The following TMEM135 variants were observed in gnomAD, a reference collection of about 807,000 sequenced individuals.
TMEM135 encodes the protein transmembrane protein 135.
TMEM135 carries 30 observed loss-of-function variants against 60.3 expected under a neutral mutation model. The ratio of observed to expected loss-of-function variants is 0.50; its 90% CI spans 0.37 to 0.68. The LOEUF (loss-of-function observed/expected upper bound fraction) is 0.68. TMEM135 is among the 30% of genes least tolerant of loss of function. The pLI is 0.00. For synonymous variants in TMEM135, 190 were observed against 186.7 expected (o/e 1.02, Z -0.14); for missense variants, 468 against 548.8 (o/e 0.85, Z 1.47).
intron 4 of TMEM135, among the ~76,000 whole-genome samples, chr11:87,108,608 A>G (rs574320938): frequency 5.1e-4 from 78 of 151,984 alleles, no homozygotes; most frequent in Admixed American, 1.1e-3. Context: ...GTCTTTTTCT[A>G]GTTCCTTAAG....
chr11:87,284,410 C>T (rs981208369), intron 6 of TMEM135, among the ~76,000 whole-genome samples: 1 of 152,176 alleles, frequency 6.6e-6, no homozygotes, highest in African/African-American at 2.4e-5. Flanking sequence ...AGAAACAGTT[C>T]CAGCTTCTCC....
chr11:87,323,879 C>T lies in TMEM135; in HGVS notation c.*2546C>T, dbSNP rs1385107148. On this transcript the variant is annotated 3_prime_UTR_variant, in exon 15 of 15. Coordinates refer to ENST00000305494, the MANE Select transcript of TMEM135 (RefSeq NM_022918.4). ...TAGTTTTATTTTCCCATAAATTCTG[C>T]TTTTGCTTCTGTAACTTTTTTCTTG... The T allele has an allele frequency of 2.2e-6, 1 of 452,004 alleles. No individual in the cohort carries two copies. The highest frequency in any genetic ancestry group is 2.4e-5 in the Admixed American group (1 of 42,242). 28.0% of individuals were successfully genotyped at this position (452,004 alleles called of 1,614,324 possible).
rs1242998121 is a variant in TMEM135, at chr11:87,158,108, A to G, written c.462+702A>G. 2.6e-5 allele frequency among the ~76,000 whole-genome samples: 4 copies of G among 152,024 alleles called. 1 individual carries two copies. The highest frequency in any genetic ancestry group is 4.1e-4 in the South Asian group (2 of 4,824). ...TAAAATACAGAAATCCCTATTTTTG[A>G]GGAGATGGGGTCTTGCTATGTTGCT... On this transcript the variant is annotated intron_variant, in intron 5 of 14. Coordinates refer to ENST00000305494, the MANE Select transcript of TMEM135 (RefSeq NM_022918.4).
chr11:87,142,465 A>C (rs1406260718), intron 4 of TMEM135, among the ~76,000 whole-genome samples: 1 of 152,172 alleles, frequency 6.6e-6, no homozygotes, highest in Non-Finnish European at 1.5e-5. Context: ...GCATTTTTCA[A>C]AAATAGTTAT....
At chr11:87,145,429 C>T (rs1343062451) in intron 4 of TMEM135, among the ~76,000 whole-genome samples, 1 of 152,154 alleles carries the variant, frequency 6.6e-6, no homozygotes, top group Non-Finnish European at 1.5e-5. Context: ...GATTTCAAAT[C>T]TTTTGGGTGA....
intron 10 of TMEM135, among the ~76,000 whole-genome samples, chr11:87,312,090 A>ATTT (rs1942648604): frequency 6.6e-6 from 1 of 151,382 alleles, no homozygotes; most frequent in African/African-American, 2.4e-5. Context: ...ATTATGTGTA[A>ATTT]ATATATATAG....
rs199637365 is a variant in TMEM135, at chr11:87,308,574, AGT to A, written c.769-928_769-927del. On this transcript the variant is annotated intron_variant, in intron 9 of 14. Coordinates refer to ENST00000305494, the MANE Select transcript of TMEM135 (RefSeq NM_022918.4). ...TAACTTTTGGGCATACACTGCTATG[AGT>A]GTAGATATTTTCCAATTCCAGTCAG... is the stretch of plus-strand genomic sequence containing the variant. Among the ~76,000 whole-genome samples, 366 of 152,254 alleles carry A rather than the reference AGT, an allele frequency of 2.4e-3. 7 individuals are homozygous for A. The highest frequency in any genetic ancestry group is 0.022 in the Admixed American group (329 of 15,288).
intron 4 of TMEM135, among the ~76,000 whole-genome samples, chr11:87,156,535 A>C (rs1419139587): frequency 6.6e-6 from 1 of 151,924 alleles, no homozygotes; most frequent in Non-Finnish European, 1.5e-5. Flanking sequence ...AATTTCTTTC[A>C]GCAATGTTTT....
intron 1 of TMEM135, among the ~76,000 whole-genome samples, chr11:87,041,609 T>A (rs1427879219): frequency 6.6e-6 from 1 of 152,204 alleles, no homozygotes; most frequent in Admixed American, 6.5e-5. Flanking sequence ...ACCCATTTTT[T>A]AAGGTCTGTT....
intron 4 of TMEM135, among the ~76,000 whole-genome samples, chr11:87,130,473 G>T (rs1440752347): frequency 6.6e-6 from 1 of 152,098 alleles, no homozygotes; most frequent in Non-Finnish European, 1.5e-5. Context: ...AATTCCTGAT[G>T]TGGAAAGAGA....
intron 6 of TMEM135, among the ~76,000 whole-genome samples, chr11:87,239,968 T>A (rs1014536669): frequency 6.6e-6 from 1 of 152,138 alleles, no homozygotes. Context: ...ATCTCATATG[T>A]TATAATCAGA....
At chr11:87,071,978 G>T (rs1248688740) in intron 3 of TMEM135, among the ~76,000 whole-genome samples, 3 of 151,974 alleles carry the variant, frequency 2.0e-5, no homozygotes, top group African/African-American at 7.3e-5. Flanking sequence ...CTTGAGCCTT[G>T]GAATTTGAGA....
At chr11:87,179,318 C>T (rs866308598) in intron 5 of TMEM135, among the ~76,000 whole-genome samples, 6 of 152,002 alleles carry the variant, frequency 3.9e-5, no homozygotes, top group Admixed American at 6.6e-5. Context: ...TTTCCCAGAT[C>T]GTGGCCTGTG....
intron 6 of TMEM135, among the ~76,000 whole-genome samples, chr11:87,287,521 A>G (rs1942188641): frequency 6.6e-6 from 1 of 152,130 alleles, no homozygotes; most frequent in African/African-American, 2.4e-5. Flanking sequence ...TACTAAAAAT[A>G]CAAAAATTAG....
chr11:87,263,326 T>G (rs1941689619), intron 6 of TMEM135, among the ~76,000 whole-genome samples: 1 of 152,226 alleles, frequency 6.6e-6, no homozygotes. Context: ...TTTGCTAAAT[T>G]CTGATTCTTC....
At chr11:87,233,252 A>T (rs1175010696) in intron 5 of TMEM135, among the ~76,000 whole-genome samples, 4 of 152,104 alleles carry the variant, frequency 2.6e-5, no homozygotes, top group Non-Finnish European at 4.4e-5. Flanking sequence ...TAGCAAGATG[A>T]TAGATTTAAA....
intron 5 of TMEM135, among the ~76,000 whole-genome samples, chr11:87,190,724 ATTTGATGTCTT>A (rs755468529): frequency 3.3e-5 from 5 of 152,212 alleles, no homozygotes; most frequent in Non-Finnish European, 7.3e-5. Flanking sequence ...AGCAGCAGAT[ATTTGATGTCTT>A]CCTGACTTTC....
In TMEM135 at chr11:87,325,138, T is replaced by TGC. The variant is rs1554989836; in HGVS notation, c.*3806_*3807insCG. On this transcript the variant is annotated 3_prime_UTR_variant, in exon 15 of 15. Transcript: ENST00000305494. ...TCAAGGACTGAGATGACCCTCAGAT[T>TGC]GGGGGGCTGTCTTAGATTCTAGGGC... 4.0e-5 allele frequency: 18 copies of TGC among 453,728 alleles called. No homozygotes were observed. Among genetic ancestry groups the TGC allele is most frequent in the South Asian group, 2.2e-4 (14 of 64,442 alleles). 28.1% of individuals were successfully genotyped at this position (453,728 alleles called of 1,614,324 possible).
intron 5 of TMEM135, among the ~76,000 whole-genome samples, chr11:87,221,763 C>G (rs1940621453): frequency 6.6e-6 from 1 of 152,176 alleles, no homozygotes; most frequent in Non-Finnish European, 1.5e-5. Context: ...ATTTTCATCC[C>G]TATGTTTATT....
Sources: gnomAD v4.1 joint callset for allele counts (sites outside exome capture counted in the v4.1 genomes callset) on GRCh38, gnomAD v4.1.1 for gene constraint, MANE v1.5 for transcripts, NCBI Gene and HGNC (gene_info 2026-07-23, HGNC 2026-07-21) for gene names.